Variants in DSCAML1 observed in about 807,000 individuals in gnomAD.
DSCAML1 encodes DS cell adhesion molecule like 1.
DSCAML1 carries 38 observed loss-of-function variants against 200.5 expected under a neutral mutation model. The ratio of observed to expected loss-of-function variants is 0.19; its 90% CI spans 0.15 to 0.25. The LOEUF is 0.25. Ranked by LOEUF, DSCAML1 falls within the 10% of genes least tolerant of loss-of-function variation. The probability of loss-of-function intolerance (pLI) is 1.00; values close to 1 mark genes in which losing one functional copy is unlikely to be tolerated. For synonymous variants in DSCAML1, 1,215 were observed against 1,165.0 expected (o/e 1.04, Z -0.87); for missense variants, 2,223 against 2,858.8 (o/e 0.78, Z 5.07).
intron 3 of DSCAML1, among the ~76,000 whole-genome samples, chr11:117,614,531 C>T (rs918873947): frequency 2.6e-5 from 4 of 152,220 alleles, no homozygotes; most frequent in Non-Finnish European, 5.9e-5. Flanking sequence ...TCCTCTACCT[C>T]CTCCTGTTCT....
chr11:117,609,033 A>AC (rs1565823669), intron 3 of DSCAML1, among the ~76,000 whole-genome samples: 2 of 104,102 alleles, frequency 1.9e-5, no homozygotes, highest in African/African-American at 7.3e-5. Flanking sequence ...CAAACAAACA[A>AC]ACAAAAAAAA....
intron 11 of DSCAML1, among the ~76,000 whole-genome samples, chr11:117,496,616 C>T (rs1245659121): frequency 6.6e-6 from 1 of 152,212 alleles, no homozygotes; most frequent in Non-Finnish European, 1.5e-5. Flanking sequence ...TACCTTGGAG[C>T]TCAGATCCAT....
At chr11:117,457,965 A>G (rs1426386367) in intron 19 of DSCAML1, among the ~76,000 whole-genome samples, 2 of 152,152 alleles carry the variant, frequency 1.3e-5, no homozygotes, top group African/African-American at 2.4e-5. Context: ...GGCCCAGAGC[A>G]CTCACCTGTG....
chr11:117,494,811 A>T (rs1340667959), intron 11 of DSCAML1, among the ~76,000 whole-genome samples: 1 of 152,200 alleles, frequency 6.6e-6, no homozygotes, highest in Non-Finnish European at 1.5e-5. Context: ...CAGGAAGAGA[A>T]GGCCATGTGG....
At chr11:117,564,757 CTTTCTT>C (rs2137423262) in intron 3 of DSCAML1, among the ~76,000 whole-genome samples, 2 of 124,376 alleles carry the variant, frequency 1.6e-5, no homozygotes, top group South Asian at 4.6e-4. Context: ...CTCTCTCTCT[CTTTCTT>C]TCTTTCTTTC....
chr11:117,774,082 C>T (rs1217963395), intron 3 of DSCAML1, among the ~76,000 whole-genome samples: 1 of 152,218 alleles, frequency 6.6e-6, no homozygotes, highest in Non-Finnish European at 1.5e-5. Context: ...AACCAGTTAA[C>T]CTTCCTTCTC....
chr11:117,431,160 G>A (rs372826367), intron 31 of DSCAML1, 127 bp from the exon 32 acceptor site: 13 of 929,244 alleles, frequency 1.4e-5, no homozygotes, highest in East Asian at 5.0e-5. Context: ...ACCAGGCTGA[G>A]AAGATCCCGT....
intron 23 of DSCAML1, 28 bp downstream of exon 23, chr11:117,439,238 T>C (rs2047989131): frequency 5.0e-6 from 8 of 1,612,226 alleles, no homozygotes; most frequent in African/African-American, 1.3e-5. Context: ...TGTCCCCACC[T>C]GGGGTCACCT....
chr11:117,761,073 A>G (rs1014168340), intron 3 of DSCAML1, among the ~76,000 whole-genome samples: 18 of 152,212 alleles, frequency 1.2e-4, no homozygotes, highest in Admixed American at 5.9e-4. Context: ...AGGGGGTCTC[A>G]TATCTGGATA....
In DSCAML1 at chr11:117,498,212, C is replaced by T. The variant is rs935857629; in HGVS notation, c.2359+5633G>A. On this transcript the variant is annotated intron_variant, in intron 11 of 32. Coordinates refer to ENST00000651296, the MANE Select transcript of DSCAML1 (RefSeq NM_020693.4). The surrounding 1 kb of genome is among the most constrained non-coding windows in gnomAD (Gnocchi z 4.0). ...AGGAATATCTTGGGCCAGTTGTTTG[C>T]CCTCTCTGGGGCCTCAGTTTGTCAC... Among the ~76,000 whole-genome samples the T allele has an allele frequency of 2.0e-5, 3 of 152,202 alleles. No individual in the cohort carries two copies. The highest frequency in any genetic ancestry group is 6.5e-5 in the Admixed American group (1 of 15,288).
intron 6 of DSCAML1, among the ~76,000 whole-genome samples, chr11:117,520,305 G>C (rs1365183613): frequency 6.6e-6 from 1 of 152,138 alleles, no homozygotes; most frequent in African/African-American, 2.4e-5. Flanking sequence ...AGGAACTCCG[G>C]GTGCTGGCAG....
chr11:117,582,276 A>T (rs1037945611), intron 3 of DSCAML1, among the ~76,000 whole-genome samples: 1 of 152,208 alleles, frequency 6.6e-6, no homozygotes, highest in African/African-American at 2.4e-5. Flanking sequence ...GTTTGAACCC[A>T]CAAAACTGTT....
chr11:117,554,467 G>A lies in DSCAML1; in HGVS notation c.512-21945C>T, dbSNP rs146312511. Among the ~76,000 whole-genome samples, 528 of 152,050 alleles carry A rather than the reference G, an allele frequency of 3.5e-3. 1 individual carries two copies. Among genetic ancestry groups the A allele is most frequent in the Admixed American group, 6.3e-3 (96 of 15,280 alleles). ...GCGATCTCGGCTCACTGAAACCTCCGCCTCCTGGGTTCAAGGGATTCTCCT... is the reference window on the plus strand; with the variant it reads ...GCGATCTCGGCTCACTGAAACCTCCACCTCCTGGGTTCAAGGGATTCTCCT... On this transcript the variant is annotated intron_variant, in intron 3 of 32. Transcript: ENST00000651296.
intron 3 of DSCAML1, among the ~76,000 whole-genome samples, chr11:117,728,098 T>C (rs2054162464): frequency 6.6e-6 from 1 of 152,214 alleles, no homozygotes; most frequent in South Asian, 2.1e-4. Flanking sequence ...AAGTGGGATT[T>C]ATCCCAGGAA....
intron 14 of DSCAML1, among the ~76,000 whole-genome samples, chr11:117,474,255 C>A (rs1386523990): frequency 6.6e-6 from 1 of 152,150 alleles, no homozygotes; most frequent in Non-Finnish European, 1.5e-5. Flanking sequence ...GTATTCAACA[C>A]TTGGACCTCT....
chr11:117,428,887 C>G, intron 32 of DSCAML1, 84 bp from the exon 33 acceptor site: 1 of 1,331,846 alleles, frequency 7.5e-7, no homozygotes, highest in African/African-American at 1.5e-5. Context: ...ATCCCCTGCC[C>G]CCAGTCTTCT....
chr11:117,435,522 T>C, intron 27 of DSCAML1, 122 bp downstream of exon 27: 1 of 1,198,628 alleles, frequency 8.3e-7, no homozygotes, highest in African/African-American at 1.5e-5. Flanking sequence ...TGGCTGCTCC[T>C]CCTTCAAGGG....
chr11:117,546,932 C>G (rs1035200673), intron 3 of DSCAML1, among the ~76,000 whole-genome samples: 18 of 152,268 alleles, frequency 1.2e-4, no homozygotes, highest in African/African-American at 4.3e-4. Context: ...ATTGGGCCCT[C>G]CTCAGCCCCA....
At chr11:117,492,140 C>CCAA (rs1276756291) in intron 11 of DSCAML1, among the ~76,000 whole-genome samples, 1 of 152,180 alleles carries the variant, frequency 6.6e-6, no homozygotes, top group East Asian at 1.9e-4. Context: ...AGGTAATTCT[C>CCAA]ACGTGGTTTG....
Sources: allele counts gnomAD v4.1 joint callset (sites outside exome capture counted in the v4.1 genomes callset), GRCh38; gene constraint gnomAD v4.1.1; non-coding constraint Gnocchi (gnomAD v3.1); transcripts MANE v1.5; gene names NCBI Gene and HGNC (gene_info 2026-07-23, HGNC 2026-07-21).